The following CLN8 variants were observed in gnomAD, a reference collection of about 807,000 sequenced individuals.
CLN8 encodes the protein CLN8 transmembrane ER and ERGIC protein.
In CLN8, 14 loss-of-function variants were observed where a neutral mutation model predicts 15.7. The ratio of observed to expected loss-of-function variants is 0.89; its 90% confidence interval spans 0.59 to 1.39. The LOEUF is 1.39. CLN8 is among the 40% of genes most tolerant of loss of function. The pLI is 0.00. For synonymous variants in CLN8, 188 were observed against 151.0 expected (o/e 1.25, Z -1.80); for missense variants, 415 against 364.0 (o/e 1.14, Z -1.14).
Position 1,783,867 on chromosome 8 carries a change from C to T in CLN8, c.*3300C>T, listed in dbSNP as rs1399827777. On this transcript the variant is annotated 3_prime_UTR_variant, in exon 3 of 3. Transcript: ENST00000331222. Reference sequence around the variant, plus strand: ...TGACGCAACTCGTGAACAGCCGTGCCTGCCTTGGGCGCAGCCTCCGGCGCC... The same window carrying T: ...TGACGCAACTCGTGAACAGCCGTGCTTGCCTTGGGCGCAGCCTCCGGCGCC... 2.6e-5 allele frequency: 4 copies of T among 152,284 alleles called. No homozygotes were observed. The highest frequency in any genetic ancestry group is 5.9e-5 in the Non-Finnish European group (4 of 68,074). The allele number at this position is 152,284 out of a possible 1,614,324, so 9.4% of individuals were successfully genotyped here. A position where few individuals can be genotyped will look rare whatever the true frequency, so the allele number is the denominator to read the frequency against.
rs1040994967 is a variant in CLN8, at chr8:1,780,657, A to G, written c.*90A>G. ...ATGATGGCTTTTGAATTAATGAGGC[A>G]GTGAATGTTTTGTGTTTACTTCTAA... On this transcript the variant is annotated 3_prime_UTR_variant, in exon 3 of 3. Transcript: ENST00000331222. 4 of 1,239,126 alleles carry G rather than the reference A, an allele frequency of 3.2e-6. No individual in the cohort carries two copies. The African/African-American group carries it at 6.0e-5, about 18-fold the overall frequency. The allele number at this position is 1,239,126 out of a possible 1,614,324, so 76.8% of individuals were successfully genotyped here. A position where few individuals can be genotyped will look rare whatever the true frequency, so the allele number is the denominator to read the frequency against.
chr8:1,771,066 G>A lies in CLN8; in HGVS notation c.12G>A (p.Ala4=), dbSNP rs368792081. 16 of 1,614,036 alleles carry A rather than the reference G, an allele frequency of 9.9e-6. No homozygotes were observed. Among genetic ancestry groups the A allele is most frequent in the South Asian group, 2.2e-5 (2 of 91,076 alleles). Residue 4 remains alanine (A), a synonymous_variant, in exon 2 of 3, where the codon GCG becomes GCA. Coordinates refer to ENST00000331222, the MANE Select transcript of CLN8 (RefSeq NM_018941.4). MNP[A]SDGGTSESIF... is the part of the protein sequence containing the mutation. ...TATAGCTGTGGACAATGAATCCTGC[G>A]AGCGATGGGGGCACATCAGAGAGCA...
upstream of CLN8, among the ~76,000 whole-genome samples, chr8:1,761,054 C>G (rs7822816): frequency 0.71 from 85,681 of 120,412 alleles, 30,262 homozygotes; most frequent in South Asian, 0.78. Context: ...GAGTCTTGCT[C>G]TGTTGCCCAG....
intron 1 of CLN8, chr8:1,758,332 A>ACT: frequency 6.6e-6 from 1 of 151,378 alleles, no homozygotes; most frequent in South Asian, 2.1e-4. Context: ...CAACACAAAG[A>ACT]GTCAAATTTG....
chr8:1,767,738 A>AT (rs1276461360), intron 1 of CLN8, among the ~76,000 whole-genome samples: 2 of 151,078 alleles, frequency 1.3e-5, no homozygotes, highest in Non-Finnish European at 3.0e-5. Context: ...CGCCCAGCTA[A>AT]TTTTTTGTAT....
chr8:1,767,891 C>T (rs1801132237), intron 1 of CLN8, among the ~76,000 whole-genome samples: 1 of 151,650 alleles, frequency 6.6e-6, no homozygotes, highest in African/African-American at 2.4e-5. Context: ...ATTTCTTTTT[C>T]CTGTAGTCAG....
At position 1,786,461 on chromosome 8, in the gene CLN8, C is replaced by A. The variant is rs903059750; in HGVS notation, c.*5894C>A. On this transcript the variant is annotated 3_prime_UTR_variant, in exon 3 of 3. Transcript: ENST00000331222. ...ATTTATCATTTTGAATAACTTTTCT[C>A]CTTTTTAGTAACAAAATGTACTTCA... is the stretch of plus-strand genomic sequence containing the variant. 6.6e-6 allele frequency: 1 copy of A among 152,180 alleles called. No individual in the cohort carries two copies. Among genetic ancestry groups the A allele is most frequent in the African/African-American group, 2.4e-5 (1 of 41,456 alleles). The allele number at this position is 152,180 out of a possible 1,614,324, so 9.4% of individuals were successfully genotyped here.
Position 1,782,464 on chromosome 8 carries a change from T to G in CLN8, c.*1897T>G, listed in dbSNP as rs1350473225. On this transcript the variant is annotated 3_prime_UTR_variant, in exon 3 of 3. Transcript: ENST00000331222. ...CCGGCCCGGAGCGGTGTATTTTGAT[T>G]GCTGGTGCTTTAACTATATTGACCA... 2.6e-5 allele frequency: 4 copies of G among 152,222 alleles called. No homozygotes were observed. The highest frequency in any genetic ancestry group is 9.6e-5 in the African/African-American group (4 of 41,460). The allele number at this position is 152,222 out of a possible 1,614,324, so 9.4% of individuals were successfully genotyped here.
intron 2 of CLN8, among the ~76,000 whole-genome samples, chr8:1,776,030 C>T (rs1313316514): frequency 3.3e-5 from 5 of 151,398 alleles, no homozygotes; most frequent in South Asian, 2.1e-4. Context: ...CCAGCACACA[C>T]GATAGAAGAT....
In CLN8 at chr8:1,776,855, T is replaced by C. The variant is rs576101289; in HGVS notation, c.544-3395T>C. ...CAGACTGAGTCCTACTGAAGTCCCA[T>C]CATCAGTGGAAAGGGCTTGTGAGCT... On this transcript the variant is annotated intron_variant, in intron 2 of 2. Coordinates refer to ENST00000331222, the MANE Select transcript of CLN8 (RefSeq NM_018941.4). 3.3e-5 allele frequency among the ~76,000 whole-genome samples: 5 copies of C among 152,274 alleles called. No individual in the cohort carries two copies. In the East Asian group the frequency reaches 9.7e-4, roughly 29 times the overall value.
At chr8:1,775,910 G>C (rs934722126) in intron 2 of CLN8, among the ~76,000 whole-genome samples, 4 of 152,254 alleles carry the variant, frequency 2.6e-5, no homozygotes, top group Admixed American at 2.6e-4. Context: ...ACGATTCTCA[G>C]TCTTCCGTAA....
In CLN8 at chr8:1,763,867, C is replaced by G. The variant is rs905806282; in HGVS notation, c.-142C>G. ...GGGGCGGCGCCAAGCGCAGGGAGCC[C>G]GGCTGAGTGGCAGCCCAGGTGAGCG... On this transcript the variant is annotated 5_prime_UTR_variant, in exon 1 of 3. Coordinates refer to ENST00000331222, the MANE Select transcript of CLN8 (RefSeq NM_018941.4). 1.3e-5 allele frequency: 2 copies of G among 152,142 alleles called. No individual in the cohort carries two copies. Among genetic ancestry groups the G allele is most frequent in the Admixed American group, 6.6e-5 (1 of 15,220 alleles). 9.4% of individuals were successfully genotyped at this position (152,142 alleles called of 1,614,324 possible). A position where few individuals can be genotyped will look rare whatever the true frequency, so the allele number is the denominator to read the frequency against.
chr8:1,780,244 A>T lies in CLN8; in HGVS notation c.544-6A>T, dbSNP rs200435861. On this transcript the variant is annotated splice_region_variant and splice_polypyrimidine_tract_variant and intron_variant, in intron 2 of 2. Transcript: ENST00000331222. ...TGACTTGTGCATTTGTCTTCTCTCC[A>T]TGCAGGCGGGCTGGTCCGAGTCTCT... 1 of 1,614,276 alleles carries T rather than the reference A, an allele frequency of 6.2e-7. No homozygotes were observed. The highest frequency in any genetic ancestry group is 8.5e-7 in the Non-Finnish European group (1 of 1,180,048).
intron 1 of CLN8, among the ~76,000 whole-genome samples, chr8:1,767,855 G>A (rs1051774341): frequency 5.9e-5 from 9 of 151,938 alleles, no homozygotes; most frequent in Non-Finnish European, 1.0e-4. Context: ...ACAGGCGTGC[G>A]CCACTGCACT....
rs1801693906 is a variant in CLN8, at chr8:1,780,803, G to A, written c.*236G>A. On this transcript the variant is annotated 3_prime_UTR_variant, in exon 3 of 3. Coordinates refer to ENST00000331222, the MANE Select transcript of CLN8 (RefSeq NM_018941.4). ...TGTCAGTTTAGCCGCGCCGGACCGT[G>A]TCAAGCATCTAGGAGAGGAGTCCAT... The A allele has an allele frequency of 3.4e-6, 2 of 582,144 alleles. No homozygotes were observed. Among genetic ancestry groups the A allele is most frequent in the Admixed American group, 3.1e-5 (1 of 32,436 alleles). 36.1% of individuals were successfully genotyped at this position (582,144 alleles called of 1,614,324 possible).
chr8:1,757,787 G>A (rs1178366408), intron 1 of CLN8, among the ~76,000 whole-genome samples: 3 of 152,140 alleles, frequency 2.0e-5, no homozygotes, highest in Non-Finnish European at 4.4e-5. Flanking sequence ...TTATGCCAAT[G>A]GCTTCGTCCA....
At chr8:1,756,117 C>T (rs1800663773) in intron 1 of CLN8, 1 of 152,186 alleles carries the variant, frequency 6.6e-6, no homozygotes, top group Non-Finnish European at 1.5e-5. Flanking sequence ...AACAAATACA[C>T]CACTTCCCTG....
intron 1 of CLN8, among the ~76,000 whole-genome samples, chr8:1,764,882 T>G (rs1800985068): frequency 6.6e-6 from 1 of 152,206 alleles, no homozygotes; most frequent in Admixed American, 6.5e-5. Context: ...TTACCCTCTG[T>G]GTGAAATCTG....
In CLN8 at chr8:1,774,606, G is replaced by A. The variant is rs142799581; in HGVS notation, c.543+3009G>A. On this transcript the variant is annotated intron_variant, in intron 2 of 2. Coordinates refer to ENST00000331222, the MANE Select transcript of CLN8 (RefSeq NM_018941.4). ...AATTTAGGATGGGGGTCTAAGTCAA[G>A]CACAGTGGCTTATTCTTCGTATTTC... 3.4e-3 allele frequency among the ~76,000 whole-genome samples: 513 copies of A among 152,304 alleles called. 6 individuals are homozygous for A. The highest frequency in any genetic ancestry group is 0.012 in the African/African-American group (488 of 41,566).
Sources: gnomAD v4.1 joint callset for allele counts (sites outside exome capture counted in the v4.1 genomes callset) on GRCh38, gnomAD v4.1.1 for gene constraint, MANE v1.5 for transcripts, NCBI Gene and HGNC (gene_info 2026-07-23, HGNC 2026-07-21) for gene names.